The following COBLL1 variants were observed in gnomAD, a reference collection of about 807,000 sequenced individuals.
The protein encoded by COBLL1 is cordon-bleu protein-like 1.
A neutral mutation model predicts 94.8 loss-of-function variants in COBLL1; 50 were observed. That is an observed-to-expected ratio of 0.53 (90% CI 0.42 to 0.67). The LOEUF (loss-of-function observed/expected upper bound fraction) is 0.67, where lower values mean the gene tolerates loss of function less well. COBLL1 is among the 30% of genes least tolerant of loss of function. The pLI is 0.00. For synonymous variants in COBLL1, 448 were observed against 473.8 expected (o/e 0.95, Z 0.71); for missense variants, 1,362 against 1,348.7 (o/e 1.01, Z -0.15).
At chr2:164,812,599 A>T (rs1684512833) in intron 2 of COBLL1, among the ~76,000 whole-genome samples, 1 of 151,890 alleles carries the variant, frequency 6.6e-6, no homozygotes, top group Admixed American at 6.6e-5. Context: ...ACCTCCTGTA[A>T]CTCTGGCAAG....
At chr2:164,784,390 T>C (rs1331012522) in intron 2 of COBLL1, among the ~76,000 whole-genome samples, 1 of 152,200 alleles carries the variant, frequency 6.6e-6, no homozygotes, top group Non-Finnish European at 1.5e-5. Flanking sequence ...TTTAAGTTCA[T>C]TTCTTTAAGG....
intron 4 of COBLL1, among the ~76,000 whole-genome samples, chr2:164,728,420 T>A (rs1685823062): frequency 6.6e-6 from 1 of 152,068 alleles, no homozygotes; most frequent in Non-Finnish European, 1.5e-5. Flanking sequence ...ATCCAACCAT[T>A]CTATAGTAAG....
At chr2:164,707,028 A>C (rs1439839639) in intron 7 of COBLL1, among the ~76,000 whole-genome samples, 1 of 152,104 alleles carries the variant, frequency 6.6e-6, no homozygotes, top group African/African-American at 2.4e-5. Context: ...CTGCTCTTCA[A>C]ATGTGCCGGC....
At chr2:164,806,167 A>G (rs1476932616) in intron 2 of COBLL1, among the ~76,000 whole-genome samples, 1 of 152,130 alleles carries the variant, frequency 6.6e-6, no homozygotes, top group Non-Finnish European at 1.5e-5. Context: ...GGAAAAAAAA[A>G]AACTCCAACG....
chr2:164,728,998 T>C (rs568471512), intron 4 of COBLL1, among the ~76,000 whole-genome samples: 205 of 151,978 alleles, frequency 1.3e-3, no homozygotes, highest in African/African-American at 4.8e-3. Context: ...CTTTGTATAA[T>C]CCCACGCTAT....
At chr2:164,795,795 C>G (rs1364382107) in intron 2 of COBLL1, among the ~76,000 whole-genome samples, 2 of 152,180 alleles carry the variant, frequency 1.3e-5, no homozygotes, top group Non-Finnish European at 2.9e-5. Flanking sequence ...TGAGTTTTTT[C>G]AAAGTTACAT....
chr2:164,674,382 A>G (rs1691301987), intron 1 of COBLL1, among the ~76,000 whole-genome samples: 1 of 152,106 alleles, frequency 6.6e-6, no homozygotes, highest in Non-Finnish European at 1.5e-5. Flanking sequence ...TTATTCATGC[A>G]TTCTTTCAAC....
rs1265986987 is a variant in COBLL1, at chr2:164,743,866, T to C, written c.51A>G (p.Pro17=). The C allele has an allele frequency of 1.3e-6, 2 of 1,536,610 alleles. No homozygotes were observed. The highest frequency in any genetic ancestry group is 2.6e-5 in the South Asian group (2 of 78,136). The change falls in exon 3 of 14, where the codon CCA becomes CCG. Residue 17 remains proline (P), a synonymous_variant. Coordinates refer to ENST00000652658, the MANE Select transcript of COBLL1 (RefSeq NM_001365672.2). ...CTGGAGGAAGTGGTGCCTTGGCTTTTGGTTTTCTCCTAAAATATAAAGAAA... is the reference window on the plus strand; with the variant it reads ...CTGGAGGAAGTGGTGCCTTGGCTTTCGGTTTTCTCCTAAAATATAAAGAAA... ...RPQDAPARRK[P]KAKAPLPPAE... is the part of the protein sequence containing the mutation.
intron 2 of COBLL1, among the ~76,000 whole-genome samples, chr2:164,745,445 C>T (rs749367052): frequency 5.9e-5 from 9 of 152,204 alleles, no homozygotes; most frequent in Middle Eastern, 3.4e-3. Flanking sequence ...TTTAAATCTG[C>T]GGAAATTAAC....
intron 13 of COBLL1, among the ~76,000 whole-genome samples, chr2:164,690,918 A>G (rs1013423754): frequency 6.6e-6 from 1 of 152,212 alleles, no homozygotes; most frequent in Non-Finnish European, 1.5e-5. Context: ...TTTATTAACA[A>G]GGGCATTTAT....
intron 7 of COBLL1, among the ~76,000 whole-genome samples, chr2:164,716,026 T>C (rs1048684576): frequency 1.3e-5 from 2 of 152,216 alleles, no homozygotes; most frequent in Non-Finnish European, 2.9e-5. Context: ...CTGACTCTTC[T>C]TCCACTTATT....
chr2:164,757,855 G>A (rs536495286), intron 2 of COBLL1, among the ~76,000 whole-genome samples: 8 of 151,554 alleles, frequency 5.3e-5, no homozygotes, highest in Non-Finnish European at 1.2e-4. Flanking sequence ...TCTTATATAT[G>A]TCCCATAAAT....
intron 2 of COBLL1, chr2:164,773,867 A>G: frequency 2.5e-6 from 1 of 401,296 alleles, no homozygotes; most frequent in Non-Finnish European, 3.9e-6. Context: ...TAAAAGAAGG[A>G]ATTCACTGGT....
chr2:164,659,469 G>A (rs1286363624), intron 2 of COBLL1, among the ~76,000 whole-genome samples: 5 of 152,178 alleles, frequency 3.3e-5, no homozygotes, highest in Admixed American at 2.6e-4. Context: ...GTGTGCAGTC[G>A]CAGCACTGGC....
intron 2 of COBLL1, among the ~76,000 whole-genome samples, chr2:164,805,794 T>C (rs1316383736): frequency 6.6e-6 from 1 of 152,168 alleles, no homozygotes; most frequent in African/African-American, 2.4e-5. Context: ...CATAAATATC[T>C]GTGTGCAGGT....
intron 2 of COBLL1, among the ~76,000 whole-genome samples, chr2:164,810,979 A>G (rs1684431031): frequency 6.6e-6 from 1 of 151,924 alleles, no homozygotes; most frequent in Non-Finnish European, 1.5e-5. Flanking sequence ...AAACTTGCAT[A>G]ATAGATATAA....
intron 2 of COBLL1, among the ~76,000 whole-genome samples, chr2:164,746,528 C>G (rs938600657): frequency 1.3e-5 from 2 of 152,000 alleles, no homozygotes; most frequent in Non-Finnish European, 1.5e-5. Context: ...CCTGATAAAT[C>G]CACCCTAAAT....
At chr2:164,679,779 C>T (rs1430598568), downstream of COBLL1, among the ~76,000 whole-genome samples, 1 of 72,628 alleles carries the variant, frequency 1.4e-5, no homozygotes. Context: ...CTGGGCCTCT[C>T]GGGGGGTGGG....
At chr2:164,837,246 T>C (rs1683358594) in intron 2 of COBLL1, among the ~76,000 whole-genome samples, 1 of 152,196 alleles carries the variant, frequency 6.6e-6, no homozygotes, top group South Asian at 2.1e-4. Context: ...GAAGGATTTT[T>C]TTTTTTAAAG....
Sources: allele counts gnomAD v4.1 joint callset (sites outside exome capture counted in the v4.1 genomes callset), GRCh38; gene constraint gnomAD v4.1.1; transcripts MANE v1.5; gene names NCBI Gene and HGNC (gene_info 2026-07-23, HGNC 2026-07-21).